Variants in IFT56 observed in about 807,000 individuals in gnomAD.
IFT56 encodes the protein intraflagellar transport 56, also known as intraflagellar transport protein 56.
At chr7:139,140,616 C>G in the IFT56 span, among the ~76,000 whole-genome samples, 1 of 151,666 alleles carries the variant, frequency 6.6e-6, no homozygotes, top group African/African-American at 2.4e-5. Context: ...CCCATCTCTA[C>G]TAAAAATACA....
chr7:139,146,890 G>A, the IFT56 span: 3 of 864,018 alleles, frequency 3.5e-6, no homozygotes, highest in Admixed American at 2.8e-5. Flanking sequence ...AAAGATAAGG[G>A]GAAGGGTCAA....
At chr7:139,161,212 G>A in the IFT56 span, 2 of 496,812 alleles carry the variant, frequency 4.0e-6, no homozygotes, top group Non-Finnish European at 3.5e-6. Flanking sequence ...CTTGTTGGGA[G>A]AACAGGAATA....
chr7:139,133,921 G>T, the IFT56 span: 1 of 1,602,868 alleles, frequency 6.2e-7, no homozygotes. Context: ...GCGATTAGAG[G>T]TTCCCAGCAC....
At chr7:139,178,398 G>A in the IFT56 span, 1 of 1,367,828 alleles carries the variant, frequency 7.3e-7, no homozygotes, top group South Asian at 1.2e-5. Flanking sequence ...ATTTTCTGTG[G>A]TGGCATTAGT....
At chr7:139,189,081 T>C in the IFT56 span, among the ~76,000 whole-genome samples, 1 of 152,178 alleles carries the variant, frequency 6.6e-6, no homozygotes, top group Admixed American at 6.5e-5. Context: ...ATAGGTAGTA[T>C]GGATAAACAA....
chr7:139,172,155 G>T, the IFT56 span, among the ~76,000 whole-genome samples: 2 of 149,080 alleles, frequency 1.3e-5, no homozygotes, highest in South Asian at 2.1e-4. Context: ...ATTACTTAAT[G>T]CTAACAAATA....
At chr7:139,181,543 C>T in the IFT56 span, among the ~76,000 whole-genome samples, 15 of 152,220 alleles carry the variant, frequency 9.9e-5, no homozygotes, top group African/African-American at 2.6e-4. Flanking sequence ...ACATAGATTG[C>T]GAGTCATCAA....
At chr7:139,179,669 CAAG>C in the IFT56 span, 9 of 1,545,002 alleles carry the variant, frequency 5.8e-6, no homozygotes, top group South Asian at 4.6e-5. Flanking sequence ...TTAAATATTA[CAAG>C]AAGAATCCTC....
chr7:139,140,140 C>A, the IFT56 span: 6 of 570,836 alleles, frequency 1.1e-5, no homozygotes, highest in Admixed American at 1.4e-4. Flanking sequence ...TAGCTTTAGT[C>A]CTCAAAGAAT....
the IFT56 span, among the ~76,000 whole-genome samples, chr7:139,184,909 C>G: frequency 6.6e-6 from 1 of 150,986 alleles, no homozygotes; most frequent in Non-Finnish European, 1.5e-5. Context: ...AAAAAATTAG[C>G]CAGGCGTGGT....
At chr7:139,155,779 C>T in the IFT56 span, among the ~76,000 whole-genome samples, 1 of 151,980 alleles carries the variant, frequency 6.6e-6, no homozygotes, top group African/African-American at 2.4e-5. Flanking sequence ...TGGGGTAATA[C>T]TAGCCACATA....
At chr7:139,153,124 G>A in the IFT56 span, among the ~76,000 whole-genome samples, 2 of 149,144 alleles carry the variant, frequency 1.3e-5, no homozygotes. Context: ...ACTCCAGCCC[G>A]AGCAACGGAG....
chr7:139,189,369 C>A, the IFT56 span: 1 of 1,613,198 alleles, frequency 6.2e-7, no homozygotes, highest in Non-Finnish European at 8.5e-7. Flanking sequence ...CAGGTAACAC[C>A]CAAGTAGAAT....
the IFT56 span, among the ~76,000 whole-genome samples, chr7:139,152,205 CA>C: frequency 6.6e-6 from 1 of 152,370 alleles, no homozygotes; most frequent in Admixed American, 6.5e-5. Context: ...TAGCTCATTG[CA>C]GCCTCAAACT....
the IFT56 span, chr7:139,173,321 G>C: frequency 4.5e-6 from 2 of 441,088 alleles, no homozygotes; most frequent in East Asian, 8.0e-5. Context: ...TCTGCCTCCT[G>C]GGTTCAAGCG....
At chr7:139,161,113 C>G in the IFT56 span, 1 of 1,176,250 alleles carries the variant, frequency 8.5e-7, no homozygotes, top group Non-Finnish European at 1.2e-6. Context: ...AGGAGATGCG[C>G]CAGCAAGTAA....
the IFT56 span, among the ~76,000 whole-genome samples, chr7:139,144,011 A>G: frequency 6.6e-6 from 1 of 152,114 alleles, no homozygotes; most frequent in Middle Eastern, 3.2e-3. Context: ...TTAAGTGTCT[A>G]TATGTTTCTA....
the IFT56 span, among the ~76,000 whole-genome samples, chr7:139,152,649 T>C: frequency 6.6e-6 from 1 of 152,218 alleles, no homozygotes; most frequent in Non-Finnish European, 1.5e-5. Context: ...ATTGGTGTCA[T>C]GTTTTTAGAA....
chr7:139,174,860 A>T, the IFT56 span, among the ~76,000 whole-genome samples: 2 of 152,044 alleles, frequency 1.3e-5, no homozygotes, highest in Non-Finnish European at 2.9e-5. Flanking sequence ...ATCTCTACTA[A>T]AAATGCAAAA....
Sources: allele counts gnomAD v4.1 joint callset (sites outside exome capture counted in the v4.1 genomes callset), GRCh38; gene constraint gnomAD v4.1.1; transcripts MANE v1.5; gene names NCBI Gene and HGNC (gene_info 2026-07-23, HGNC 2026-07-21).